SDC3: variants seen among roughly 807,000 people sequenced by gnomAD.
SDC3 encodes syndecan 3.
SDC3 carries 13 observed loss-of-function variants against 24.4 expected under a neutral mutation model. The ratio of observed to expected loss-of-function variants is 0.53; its 90% CI spans 0.35 to 0.85. The LOEUF is 0.85. Among genes scored for constraint, SDC3 ranks in the 40% least tolerant of loss-of-function variants. SDC3 has a pLI of 0.01. For missense variants in SDC3, 571 were observed against 584.5 expected, an observed-to-expected ratio of 0.98 and a Z score of 0.24; for synonymous variants, 295 against 260.9, an observed-to-expected ratio of 1.13 and a Z score of -1.26.
intron 1 of SDC3, among the ~76,000 whole-genome samples, chr1:30,892,781 C>T (rs1570016812): frequency 6.6e-6 from 1 of 152,184 alleles, no homozygotes; most frequent in East Asian, 1.9e-4. Context: ...TGGTCACCCT[C>T]CAGCTTCATA....
intron 1 of SDC3, among the ~76,000 whole-genome samples, chr1:30,883,131 C>T (rs956765863): frequency 2.6e-5 from 4 of 152,022 alleles, no homozygotes; most frequent in Admixed American, 6.6e-5. Flanking sequence ...GATTAATGCC[C>T]GGAGAGGTTA....
chr1:30,874,418 A>T lies in SDC3; in HGVS notation c.1041T>A (p.Pro347=). The stretch of plus-strand genomic sequence containing the variant: ...GGCGGGCACCCTTGGGCAGTGTCCC[A>T]GGTGGAGATGATGCCTTGGCCGCAG... The part of the protein sequence containing the change: ...GGAAAKASSP[P]GTLPKGARPG... The change falls in exon 4 of 5, where the codon CCT becomes CCA. Residue 347 remains proline (P), a synonymous_variant. Transcript: ENST00000339394. 6.2e-7 allele frequency: 1 copy of T among 1,614,204 alleles called. No individual in the cohort carries two copies. The highest frequency in any genetic ancestry group is 8.5e-7 in the Non-Finnish European group (1 of 1,180,026).
At chr1:30,905,059 T>TACAG (rs1239134788) in intron 1 of SDC3, among the ~76,000 whole-genome samples, 11 of 152,288 alleles carry the variant, frequency 7.2e-5, no homozygotes, top group Admixed American at 2.6e-4. Context: ...GTGGTGTCCC[T>TACAG]GTGCCTGTCC....
intron 2 of SDC3, 78 bp from the exon 3 acceptor site, chr1:30,877,243 G>A (rs1189548050): frequency 6.3e-7 from 1 of 1,577,376 alleles, no homozygotes; most frequent in Admixed American, 1.7e-5. Context: ...GTAAGCAATG[G>A]CCATCAAGAT....
At chr1:30,892,442 GGAATGAATGAAT>G (rs71916891) in intron 1 of SDC3, among the ~76,000 whole-genome samples, 2 of 151,476 alleles carry the variant, frequency 1.3e-5, no homozygotes, top group African/African-American at 2.4e-5. Context: ...AGGCCCCCAG[GGAATGAATGAAT>G]GAATGAATGA....
At chr1:30,902,916 G>A (rs911068339) in intron 1 of SDC3, among the ~76,000 whole-genome samples, 10 of 152,180 alleles carry the variant, frequency 6.6e-5, no homozygotes, top group African/African-American at 1.9e-4. Flanking sequence ...TCACAGTCCC[G>A]GCTTCCTTCA....
intron 3 of SDC3, among the ~76,000 whole-genome samples, chr1:30,875,341 C>T (rs1032845389): frequency 1.3e-5 from 2 of 152,232 alleles, no homozygotes; most frequent in African/African-American, 4.8e-5. Flanking sequence ...GGGCCCTGTG[C>T]ACCTTCTCCT....
At chr1:30,897,526 G>A (rs953683808) in intron 1 of SDC3, among the ~76,000 whole-genome samples, 1 of 152,156 alleles carries the variant, frequency 6.6e-6, no homozygotes, top group African/African-American at 2.4e-5. Flanking sequence ...AGATCCATGT[G>A]GAAGCCAGGA....
chr1:30,896,484 G>A (rs2124337996), intron 1 of SDC3, among the ~76,000 whole-genome samples: 1 of 152,258 alleles, frequency 6.6e-6, no homozygotes, highest in Non-Finnish European at 1.5e-5. Context: ...TGTGCTTGGG[G>A]GCTGGTAGGA....
chr1:30,900,595 G>C (rs900586242), intron 1 of SDC3, among the ~76,000 whole-genome samples: 5 of 152,006 alleles, frequency 3.3e-5, no homozygotes, highest in East Asian at 1.9e-4. Flanking sequence ...CCTCCCCCCA[G>C]CTCTCCAGGA....
At position 30,882,832 on chromosome 1, in the gene SDC3, C is replaced by T. The variant is rs961235023; in HGVS notation, c.139-4092G>A. ...GGCAAAGCATAATGAACCAGCTCCT[C>T]TTTACTACCCGGTTGGCTGTCAGGC... On this transcript the variant is annotated intron_variant, in intron 1 of 4. Coordinates refer to ENST00000339394, the MANE Select transcript of SDC3 (RefSeq NM_014654.4). Among the ~76,000 whole-genome samples, 6 of 152,180 alleles carry T rather than the reference C, an allele frequency of 3.9e-5. 1 individual carries two copies. The highest frequency in any genetic ancestry group is 3.3e-4 in the Admixed American group (5 of 15,270).
chr1:30,886,948 C>A (rs963909750), intron 1 of SDC3, among the ~76,000 whole-genome samples: 8 of 152,116 alleles, frequency 5.3e-5, no homozygotes, highest in Non-Finnish European at 1.2e-4. Context: ...AGGATTTGAA[C>A]CCAAGATTAG....
chr1:30,898,993 C>T (rs549861081), intron 1 of SDC3, among the ~76,000 whole-genome samples: 9 of 152,364 alleles, frequency 5.9e-5, no homozygotes, highest in Middle Eastern at 3.4e-3. Context: ...CTCCTCACCA[C>T]CACCTAACGG....
At chr1:30,907,934 C>A (rs1352164157) in intron 1 of SDC3, among the ~76,000 whole-genome samples, 1 of 152,242 alleles carries the variant, frequency 6.6e-6, no homozygotes, top group Non-Finnish European at 1.5e-5. Flanking sequence ...CAAAAAGTGG[C>A]CATGGTCTGG....
chr1:30,882,116 C>G (rs1309189548), intron 1 of SDC3, among the ~76,000 whole-genome samples: 1 of 152,206 alleles, frequency 6.6e-6, no homozygotes. Context: ...GCGCAGCCTA[C>G]TTGTCCCTCC....
chr1:30,892,974 A>G (rs553447519), intron 1 of SDC3, among the ~76,000 whole-genome samples: 2 of 152,292 alleles, frequency 1.3e-5, no homozygotes, highest in East Asian at 3.9e-4. Context: ...GAGTCACAGC[A>G]GCGTGGCCCC....
At chr1:30,888,572 GCACA>G (rs375182994) in intron 1 of SDC3, among the ~76,000 whole-genome samples, 1 of 151,820 alleles carries the variant, frequency 6.6e-6, no homozygotes, top group Non-Finnish European at 1.5e-5. Context: ...GGCACACACA[GCACA>G]CACACACACA....
intron 1 of SDC3, among the ~76,000 whole-genome samples, chr1:30,894,330 A>AGT (rs1170750502): frequency 2.6e-5 from 2 of 76,254 alleles, no homozygotes; most frequent in Non-Finnish European, 4.9e-5. Context: ...TGTGTGGATG[A>AGT]GTGTGTGTGG....
In SDC3 at chr1:30,876,828, G is replaced by A. The variant is rs28364808; in HGVS notation, c.594C>T (p.Ala198=). The A allele has an allele frequency of 0.011, 17,164 of 1,611,452 alleles. 1,247 individuals are homozygous for A. The East Asian group carries it at 0.21, about 20-fold the overall frequency. Residue 198 remains alanine, a synonymous_variant, in exon 3 of 5, where the codon GCC becomes GCT. Transcript: ENST00000339394. ...CAGTGGTCCTTATAACAGCAGTGGT[G>A]GCCGTAAAAGGGGGTGCTGCAGGGG... The part of the protein sequence containing the change: ...PSTPAAPPFT[A]TTAVIRTTGV...
Sources: gnomAD v4.1 joint callset for allele counts (sites outside exome capture counted in the v4.1 genomes callset) on GRCh38, gnomAD v4.1.1 for gene constraint, MANE v1.5 for transcripts, NCBI Gene and HGNC (gene_info 2026-07-23, HGNC 2026-07-21) for gene names.